The following TNIK variants were observed in gnomAD, a reference collection of about 807,000 sequenced individuals.
The protein encoded by TNIK is TRAF2 and NCK-interacting protein kinase.
A neutral mutation model predicts 191.3 loss-of-function variants in TNIK; 49 were observed. The observed-to-expected ratio is 0.26, with a 90% CI of 0.20 to 0.32. The LOEUF (loss-of-function observed/expected upper bound fraction) is 0.32. Among genes scored for constraint, TNIK ranks in the 10% least tolerant of loss-of-function variants. The pLI, the probability that TNIK is intolerant of heterozygous loss-of-function variation, is 1.00. For missense variants in TNIK, 1,155 were observed against 1,702.3 expected (o/e 0.68, Z 5.66); for synonymous variants, 594 against 600.9 (o/e 0.99, Z 0.17).
rs1482616238 is a variant in TNIK at position 171,255,422 on chromosome 3, A to T, written c.124-27201T>A. Among the ~76,000 whole-genome samples the T allele has an allele frequency of 3.3e-5, 5 of 152,136 alleles. No individual in the cohort carries two copies. The East Asian group carries it at 9.7e-4, about 29-fold the overall frequency. Reference sequence around the variant, plus strand: ...AGATGGTTTCAGAATCAAACTACAAATCATTTTGAAAGTTTCCTGTTTTGC... The same window carrying T: ...AGATGGTTTCAGAATCAAACTACAATTCATTTTGAAAGTTTCCTGTTTTGC... On this transcript the variant is annotated intron_variant, in intron 2 of 32. Coordinates refer to ENST00000436636, the MANE Select transcript of TNIK (RefSeq NM_015028.4).
Position 171,125,979 on chromosome 3 carries a change from AGAG to A in TNIK, c.1943_1945del (p.Pro648del), listed in dbSNP as rs1217699836. Reference sequence around the variant, plus strand: ...GTCAAACTTTTCAATGCGAGTGGGGAGAGGAGGATTTTCCGAGGTGGGATCTGA... The same window carrying A: ...GTCAAACTTTTCAATGCGAGTGGGGAGAGGATTTTCCGAGGTGGGATCTGA... On this transcript the variant is annotated inframe_deletion, in exon 17 of 33. Coordinates refer to ENST00000436636, the MANE Select transcript of TNIK (RefSeq NM_015028.4). 1 of 1,613,752 alleles carries A rather than the reference AGAG, an allele frequency of 6.2e-7. No homozygotes were observed. Among genetic ancestry groups the A allele is most frequent in the African/African-American group, 1.3e-5 (1 of 74,866 alleles).
chr3:171,262,178 C>G (rs1411012902), intron 2 of TNIK, among the ~76,000 whole-genome samples: 1 of 152,066 alleles, frequency 6.6e-6, no homozygotes, highest in Non-Finnish European at 1.5e-5. Context: ...GCTTACCTTC[C>G]CTTCGTTTTG....
At chr3:171,382,423 G>A (rs1162431420) in intron 1 of TNIK, among the ~76,000 whole-genome samples, 2 of 152,096 alleles carry the variant, frequency 1.3e-5, no homozygotes, top group Non-Finnish European at 1.5e-5. Context: ...GTTTCACCAT[G>A]TTGGCCAGGC....
At chr3:171,174,541 A>G (rs1446966656) in intron 9 of TNIK, among the ~76,000 whole-genome samples, 1 of 152,212 alleles carries the variant, frequency 6.6e-6, no homozygotes, top group African/African-American at 2.4e-5. Context: ...AATTATCCCC[A>G]AAAAGTCAAA....
chr3:171,346,147 G>T (rs1333150330), intron 2 of TNIK, among the ~76,000 whole-genome samples: 1 of 152,142 alleles, frequency 6.6e-6, no homozygotes, highest in Non-Finnish European at 1.5e-5. Flanking sequence ...AGGATCACAG[G>T]CAGATGAAAC....
chr3:171,221,868 C>T (rs985279988), intron 3 of TNIK, among the ~76,000 whole-genome samples: 23 of 152,186 alleles, frequency 1.5e-4, no homozygotes, highest in African/African-American at 5.1e-4. Context: ...CAAATTGGCA[C>T]GTAGTTCACA....
At chr3:171,075,712 CGTT>C (rs778106763) in intron 28 of TNIK, among the ~76,000 whole-genome samples, 31 of 149,746 alleles carry the variant, frequency 2.1e-4, no homozygotes, top group Non-Finnish European at 3.2e-4. Context: ...AGACATTAAA[CGTT>C]TTTTTTTTTT....
intron 2 of TNIK, among the ~76,000 whole-genome samples, chr3:171,317,471 TCTTCGGTA>T (rs1309296775): frequency 6.6e-6 from 1 of 152,128 alleles, no homozygotes; most frequent in Admixed American, 6.6e-5. Context: ...CCACCAAAAG[TCTTCGGTA>T]ATAATGCAAC....
At chr3:171,088,941 A>G (rs1721703566) in intron 23 of TNIK, among the ~76,000 whole-genome samples, 1 of 152,310 alleles carries the variant, frequency 6.6e-6, no homozygotes, top group African/African-American at 2.4e-5. Context: ...GCAAGGTTTC[A>G]TGCTGTTTCT....
At chr3:171,148,213 C>G (rs987875741) in intron 12 of TNIK, among the ~76,000 whole-genome samples, 14 of 152,204 alleles carry the variant, frequency 9.2e-5, no homozygotes, top group African/African-American at 3.1e-4. Context: ...GCAGACAGCC[C>G]CATGGCTAAG....
intron 1 of TNIK, among the ~76,000 whole-genome samples, chr3:171,455,837 C>T (rs1245152544): frequency 1.3e-5 from 2 of 152,182 alleles, no homozygotes; most frequent in Non-Finnish European, 2.9e-5. Context: ...CATTCATTCA[C>T]GTACTCATTC....
At chr3:171,297,160 A>G (rs1342864184) in intron 2 of TNIK, among the ~76,000 whole-genome samples, 1 of 152,072 alleles carries the variant, frequency 6.6e-6, no homozygotes, top group Non-Finnish European at 1.5e-5. Flanking sequence ...TCCCCTTTCC[A>G]AAAGGGGAAA....
intron 2 of TNIK, among the ~76,000 whole-genome samples, chr3:171,309,499 G>A (rs1417265012): frequency 6.6e-6 from 1 of 152,014 alleles, no homozygotes; most frequent in Non-Finnish European, 1.5e-5. Context: ...CCAAACCCCT[G>A]AAGCATGCAA....
intron 18 of TNIK, among the ~76,000 whole-genome samples, chr3:171,120,405 C>T (rs1727517177): frequency 6.7e-6 from 1 of 150,090 alleles, no homozygotes; most frequent in Non-Finnish European, 1.5e-5. Flanking sequence ...ACTGCAAGCT[C>T]CGCTTCCCGG....
chr3:171,326,497 G>C (rs1325068061), intron 2 of TNIK, among the ~76,000 whole-genome samples: 2 of 152,126 alleles, frequency 1.3e-5, no homozygotes, highest in Non-Finnish European at 2.9e-5. Flanking sequence ...TAATTACTTA[G>C]ATTTTGATAA....
At position 171,379,475 on chromosome 3, in the gene TNIK, C is replaced by A. The variant is rs184438158; in HGVS notation, c.58-9790G>T. ...GCCAGCCCTTCTCATGCTTCTTGAC[C>A]TGAAATTCCCAAGTCACGACTACAA... On this transcript the variant is annotated intron_variant, in intron 1 of 32. Transcript: ENST00000436636. Among the ~76,000 whole-genome samples the A allele has an allele frequency of 9.5e-4, 145 of 152,250 alleles. 1 individual carries two copies. The highest frequency in any genetic ancestry group is 3.4e-3 in the Middle Eastern group (1 of 292).
At chr3:171,445,098 A>C (rs2108704863) in intron 1 of TNIK, among the ~76,000 whole-genome samples, 1 of 152,182 alleles carries the variant, frequency 6.6e-6, no homozygotes, top group East Asian at 1.9e-4. Flanking sequence ...TTCTTAACGC[A>C]AAAGTTGCTG....
At chr3:171,343,624 C>G (rs1169779314) in intron 2 of TNIK, among the ~76,000 whole-genome samples, 1 of 152,188 alleles carries the variant, frequency 6.6e-6, no homozygotes, top group Non-Finnish European at 1.5e-5. Context: ...GAGTCAACCT[C>G]TAGGTGAATG....
chr3:171,183,698 A>G (rs1019359414), intron 7 of TNIK, among the ~76,000 whole-genome samples: 3 of 152,250 alleles, frequency 2.0e-5, no homozygotes, highest in South Asian at 2.1e-4. Context: ...CAAGGTGGGC[A>G]GATCACGAGG....
Sources: gnomAD v4.1 joint callset for allele counts (sites outside exome capture counted in the v4.1 genomes callset) on GRCh38, gnomAD v4.1.1 for gene constraint, MANE v1.5 for transcripts, NCBI Gene and HGNC (gene_info 2026-07-23, HGNC 2026-07-21) for gene names.